The following ATAD2B variants were observed in gnomAD, a reference collection of about 807,000 sequenced individuals.
The protein encoded by ATAD2B is ATPase family AAA domain-containing protein 2B.
In ATAD2B, 40 loss-of-function variants were observed where a neutral mutation model predicts 167.6. The observed-to-expected ratio is 0.24, with a 90% CI of 0.19 to 0.31. ATAD2B has a LOEUF of 0.31. Ranked by LOEUF, ATAD2B falls within the 10% of genes least tolerant of loss-of-function variation. The pLI is 1.00. For synonymous variants in ATAD2B, 579 were observed against 596.5 expected (o/e 0.97, Z 0.43); for missense variants, 1,242 against 1,757.2 (o/e 0.71, Z 5.24).
At chr2:23,829,280 T>C (rs1443788995) in intron 14 of ATAD2B, among the ~76,000 whole-genome samples, 1 of 152,184 alleles carries the variant, frequency 6.6e-6, no homozygotes, top group East Asian at 1.9e-4. Context: ...ACCATACCAC[T>C]TTTACTATTT....
intron 11 of ATAD2B, among the ~76,000 whole-genome samples, 175 bp downstream of exon 11, chr2:23,864,634 C>T (rs1694883989): frequency 6.6e-6 from 1 of 152,174 alleles, no homozygotes; most frequent in African/African-American, 2.4e-5. Context: ...ACTTCAAGAA[C>T]ATACTTAGTT....
rs528334904 is a variant in ATAD2B at position 23,898,567 on chromosome 2, C to T, written c.217-2597G>A. On this transcript the variant is annotated intron_variant, in intron 1 of 27. Transcript: ENST00000238789. ...AGCTATAACTCAACCACCTTGGGCA[C>T]ATGTTCTCAGGACCTCTTGAGACTG... 7.2e-5 allele frequency among the ~76,000 whole-genome samples: 11 copies of T among 152,322 alleles called. No homozygotes were observed. In the South Asian group the frequency reaches 1.0e-3, roughly 14 times the overall value.
chr2:23,728,569 A>C, the ATAD2B span, among the ~76,000 whole-genome samples: 514 of 152,366 alleles, frequency 3.4e-3, 3 homozygotes, highest in African/African-American at 0.012. Context: ...TCAAAGAATA[A>C]CATAATCAGA....
chr2:23,890,590 C>T (rs1699338625), intron 2 of ATAD2B, among the ~76,000 whole-genome samples: 1 of 152,186 alleles, frequency 6.6e-6, no homozygotes, highest in African/African-American at 2.4e-5. Context: ...TATACTTTGT[C>T]TTTAGACCCA....
intron 23 of ATAD2B, among the ~76,000 whole-genome samples, chr2:23,764,540 G>C (rs1432850995): frequency 6.6e-6 from 1 of 152,162 alleles, no homozygotes; most frequent in Non-Finnish European, 1.5e-5. Context: ...TTTTATACCA[G>C]ATGGGGTTCT....
chr2:23,773,216 C>T (rs1678599990), intron 22 of ATAD2B, among the ~76,000 whole-genome samples: 1 of 152,120 alleles, frequency 6.6e-6, no homozygotes, highest in Admixed American at 6.5e-5. Context: ...CATATAAGAA[C>T]AGAACATGGT....
intron 4 of ATAD2B, among the ~76,000 whole-genome samples, chr2:23,886,862 C>G (rs1308862013): frequency 6.7e-6 from 1 of 149,968 alleles, no homozygotes; most frequent in Non-Finnish European, 1.5e-5. Flanking sequence ...ACTGAGGAGG[C>G]AGAGCTTGCA....
chr2:23,761,089 A>G (rs1676685940), intron 24 of ATAD2B, among the ~76,000 whole-genome samples: 2 of 152,232 alleles, frequency 1.3e-5, no homozygotes, highest in South Asian at 4.1e-4. Context: ...TAGCAGATGC[A>G]TAGAATGTAA....
At chr2:23,737,302 G>A in the ATAD2B span, among the ~76,000 whole-genome samples, 2 of 152,172 alleles carry the variant, frequency 1.3e-5, no homozygotes, top group African/African-American at 2.4e-5. Context: ...ACTCCCAGTA[G>A]GAGCGGACTG....
intron 12 of ATAD2B, among the ~76,000 whole-genome samples, chr2:23,862,425 T>C (rs1220570901): frequency 1.4e-5 from 2 of 140,802 alleles, no homozygotes; most frequent in South Asian, 2.4e-4. Flanking sequence ...TTTTTTTTTT[T>C]TGAGAGACAG....
intron 13 of ATAD2B, among the ~76,000 whole-genome samples, chr2:23,845,700 C>T (rs1262493056): frequency 1.3e-5 from 2 of 150,794 alleles, no homozygotes; most frequent in Non-Finnish European, 2.9e-5. Flanking sequence ...CCACCTCAAC[C>T]TCCCGAGTAG....
At chr2:23,832,507 G>T in intron 14 of ATAD2B, 1 of 176,882 alleles carries the variant, frequency 5.7e-6, no homozygotes, top group Non-Finnish European at 1.2e-5. Context: ...TTAAAATGCA[G>T]TTCTTTAGTT....
intron 16 of ATAD2B, among the ~76,000 whole-genome samples, chr2:23,820,544 C>T (rs2149629946): frequency 6.6e-6 from 1 of 152,212 alleles, no homozygotes; most frequent in South Asian, 2.1e-4. Flanking sequence ...TGCTATACTT[C>T]AAACATGCCT....
chr2:23,828,837 A>G lies in ATAD2B; in HGVS notation c.1819+12T>C. On this transcript the variant is annotated intron_variant, in intron 15 of 27. Transcript: ENST00000238789. ...ACAATGACAATCAAAAAATTCAAAC[A>G]GTAACACTCACCAACACATTTTTCA... 6.3e-7 allele frequency: 1 copy of G among 1,580,710 alleles called. No homozygotes were observed. Among genetic ancestry groups the G allele is most frequent in the Non-Finnish European group, 8.7e-7 (1 of 1,153,540 alleles).
Position 23,751,654 on chromosome 2 carries a change from T to C in ATAD2B, c.*392A>G, listed in dbSNP as rs1025495083. 1.6e-5 allele frequency: 3 copies of C among 181,926 alleles called. No individual in the cohort carries two copies. Among genetic ancestry groups the C allele is most frequent in the Non-Finnish European group, 3.4e-5 (3 of 88,602 alleles). 11.3% of individuals were successfully genotyped at this position (181,926 alleles called of 1,614,324 possible). A position where few individuals can be genotyped will look rare whatever the true frequency, so the allele number is the denominator to read the frequency against. ...AAAAAATAACAAGTTGCCCACTGTT[T>C]AAACAATTCAACACAGTTAGAACTG... is the stretch of plus-strand genomic sequence containing the variant. On this transcript the variant is annotated 3_prime_UTR_variant, in exon 28 of 28. Transcript: ENST00000238789.
chr2:23,924,204 A>G (rs1704383455), intron 1 of ATAD2B, among the ~76,000 whole-genome samples: 1 of 152,180 alleles, frequency 6.6e-6, no homozygotes, highest in Admixed American at 6.5e-5. Flanking sequence ...ACAAACAAAC[A>G]TGGCACAAAA....
chr2:23,715,573 C>CAA, the ATAD2B span, among the ~76,000 whole-genome samples: 21 of 139,572 alleles, frequency 1.5e-4, no homozygotes, highest in South Asian at 1.4e-3. Context: ...GACTCTGTCT[C>CAA]AAAAAAAAAA....
At chr2:23,820,813 T>G (rs1457003793) in intron 16 of ATAD2B, among the ~76,000 whole-genome samples, 1 of 152,044 alleles carries the variant, frequency 6.6e-6, no homozygotes, top group African/African-American at 2.4e-5. Flanking sequence ...CCGGGCGTGG[T>G]GGCAGGCGCC....
intron 13 of ATAD2B, among the ~76,000 whole-genome samples, chr2:23,841,098 A>G (rs79885212): frequency 3.4e-5 from 4 of 117,172 alleles, no homozygotes; most frequent in African/African-American, 1.3e-4. Context: ...ATGCATGGCT[A>G]TTTTTTTTTT....
Sources: allele counts gnomAD v4.1 joint callset (sites outside exome capture counted in the v4.1 genomes callset), GRCh38; gene constraint gnomAD v4.1.1; transcripts MANE v1.5; gene names NCBI Gene and HGNC (gene_info 2026-07-23, HGNC 2026-07-21).